Variants in PTPRD observed in about 807,000 individuals in gnomAD.
PTPRD encodes the protein receptor-type tyrosine-protein phosphatase delta.
Under a neutral mutation model 214.5 loss-of-function variants are expected in PTPRD, and 34 were observed. That is an observed-to-expected ratio of 0.16 (90% CI 0.12 to 0.21). The LOEUF is 0.21. PTPRD is among the 10% of genes least tolerant of loss of function. The pLI is 1.00. For missense variants in PTPRD, 2,545 were observed against 2,398.7 expected (o/e 1.06, Z -1.27); for synonymous variants, 1,128 against 845.7 (o/e 1.33, Z -5.79).
intron 2 of PTPRD, among the ~76,000 whole-genome samples, chr9:10,542,503 A>G (rs374702626): frequency 6.6e-6 from 1 of 152,174 alleles, no homozygotes; most frequent in Non-Finnish European, 1.5e-5. Context: ...AAACATGCTC[A>G]TATCTGATAA....
chr9:9,652,727 A>T (rs2096396593), intron 7 of PTPRD, among the ~76,000 whole-genome samples: 3 of 150,424 alleles, frequency 2.0e-5, no homozygotes, highest in Admixed American at 1.3e-4. Flanking sequence ...CAATTCTCCT[A>T]CCTCAGCCTC....
intron 3 of PTPRD, among the ~76,000 whole-genome samples, chr9:10,095,779 T>A (rs1331080003): frequency 6.6e-6 from 1 of 151,562 alleles, no homozygotes; most frequent in Admixed American, 6.6e-5. Context: ...TGCATCCTAC[T>A]TCATGGATAA....
chr9:9,971,057 A>T (rs1195772838), intron 4 of PTPRD, among the ~76,000 whole-genome samples: 1 of 152,178 alleles, frequency 6.6e-6, no homozygotes, highest in Non-Finnish European at 1.5e-5. Flanking sequence ...ACAACCTACA[A>T]AGATAGAAAA....
chr9:10,114,652 T>C (rs1240736825), intron 3 of PTPRD, among the ~76,000 whole-genome samples: 1 of 152,102 alleles, frequency 6.6e-6, no homozygotes, highest in African/African-American at 2.4e-5. Flanking sequence ...TATAAGTGCT[T>C]ATCAATATGA....
At chr9:9,308,678 C>T (rs1957904719) in intron 9 of PTPRD, among the ~76,000 whole-genome samples, 1 of 152,084 alleles carries the variant, frequency 6.6e-6, no homozygotes, top group Admixed American at 6.5e-5. Flanking sequence ...CTTCTATTTA[C>T]CGGCACCTGA....
chr9:10,095,552 T>G (rs1007255580), intron 3 of PTPRD, among the ~76,000 whole-genome samples: 2 of 151,608 alleles, frequency 1.3e-5, no homozygotes, highest in African/African-American at 4.8e-5. Context: ...AGTGGTGCCT[T>G]CTCTATATAC....
chr9:8,624,299 T>A (rs2095934897), intron 14 of PTPRD, among the ~76,000 whole-genome samples: 1 of 151,980 alleles, frequency 6.6e-6, no homozygotes, highest in Non-Finnish European at 1.5e-5. Flanking sequence ...AATAACTTGG[T>A]AATACTGTAT....
chr9:10,525,989 TA>T (rs1417009889), intron 2 of PTPRD, among the ~76,000 whole-genome samples: 4 of 152,054 alleles, frequency 2.6e-5, no homozygotes, highest in Non-Finnish European at 5.9e-5. Context: ...TAAATAAGGT[TA>T]AAAATTCAGC....
intron 2 of PTPRD, among the ~76,000 whole-genome samples, chr9:10,468,619 C>T (rs953420771): frequency 6.6e-6 from 1 of 152,080 alleles, no homozygotes. Context: ...GCACATTCTG[C>T]ACATGTATCC....
At chr9:8,587,142 T>A (rs906258955) in intron 14 of PTPRD, among the ~76,000 whole-genome samples, 32 of 152,198 alleles carry the variant, frequency 2.1e-4, no homozygotes, top group African/African-American at 7.2e-4. Context: ...AGAGCGAGAC[T>A]CCATCTAAAA....
intron 3 of PTPRD, among the ~76,000 whole-genome samples, chr9:10,036,076 G>T (rs894733369): frequency 6.6e-6 from 1 of 152,058 alleles, no homozygotes; most frequent in Non-Finnish European, 1.5e-5. Context: ...ATTGGTATCT[G>T]GCAGTATACC....
chr9:9,131,647 G>T (rs1569549920), intron 10 of PTPRD, among the ~76,000 whole-genome samples: 1 of 152,126 alleles, frequency 6.6e-6, no homozygotes, highest in Admixed American at 6.5e-5. Context: ...GGAAAAGCAT[G>T]TAATGCTATT....
intron 3 of PTPRD, among the ~76,000 whole-genome samples, chr9:10,125,905 A>C (rs574547572): frequency 2.6e-5 from 4 of 152,154 alleles, no homozygotes; most frequent in Admixed American, 2.6e-4. Flanking sequence ...AAAATGTCTA[A>C]AGATATGGTA....
chr9:8,706,257 T>C (rs1323951178), intron 12 of PTPRD, among the ~76,000 whole-genome samples: 1 of 152,210 alleles, frequency 6.6e-6, no homozygotes, highest in African/African-American at 2.4e-5. Context: ...AAATTAGATA[T>C]AATAGGATTT....
At chr9:8,710,639 CAATAAT>C (rs949047459) in intron 12 of PTPRD, among the ~76,000 whole-genome samples, 1 of 151,892 alleles carries the variant, frequency 6.6e-6, no homozygotes, top group Non-Finnish European at 1.5e-5. Flanking sequence ...ATAAAAATAA[CAATAAT>C]AATAACAGTA....
intron 8 of PTPRD, among the ~76,000 whole-genome samples, chr9:9,574,319 A>G (rs1292101729): frequency 6.6e-6 from 1 of 151,958 alleles, no homozygotes; most frequent in African/African-American, 2.4e-5. Context: ...CTGGAGCTCT[A>G]ACATCATGCT....
intron 14 of PTPRD, among the ~76,000 whole-genome samples, chr9:8,574,329 T>C (rs895451436): frequency 6.6e-6 from 1 of 152,080 alleles, no homozygotes; most frequent in Non-Finnish European, 1.5e-5. Context: ...CTATTCATTT[T>C]GGACATCATC....
At chr9:8,990,980 C>G (rs2099364181) in intron 11 of PTPRD, among the ~76,000 whole-genome samples, 1 of 151,824 alleles carries the variant, frequency 6.6e-6, no homozygotes, top group South Asian at 2.1e-4. Flanking sequence ...TTTGGGAGGT[C>G]AAGGCGGGAG....
intron 7 of PTPRD, among the ~76,000 whole-genome samples, chr9:9,676,346 A>G (rs2096929669): frequency 7.3e-6 from 1 of 136,500 alleles, no homozygotes; most frequent in South Asian, 2.3e-4. Context: ...CTCATTGTTC[A>G]ATTCCCACCT....
Sources: allele counts gnomAD v4.1 joint callset (sites outside exome capture counted in the v4.1 genomes callset), GRCh38; gene constraint gnomAD v4.1.1; transcripts MANE v1.5; gene names NCBI Gene and HGNC (gene_info 2026-07-23, HGNC 2026-07-21).